The following MAF variants were observed in gnomAD, a reference collection of about 807,000 sequenced individuals.
MAF encodes MAF bZIP transcription factor.
Under a neutral mutation model 22.0 loss-of-function variants are expected in MAF, and 10 were observed. The observed-to-expected ratio is 0.45, with a 90% CI of 0.28 to 0.77. The LOEUF (loss-of-function observed/expected upper bound fraction) is 0.77, where lower values mean the gene tolerates loss of function less well. Ranked by LOEUF, MAF falls within the 30% of genes least tolerant of loss-of-function variation. The pLI is 0.12. For synonymous variants in MAF, 337 were observed against 255.8 expected (o/e 1.32, Z -3.03); for missense variants, 544 against 548.4 (o/e 0.99, Z 0.08).
chr16:79,333,848 T>C, the MAF span, among the ~76,000 whole-genome samples: 13 of 152,194 alleles, frequency 8.5e-5, no homozygotes, highest in Admixed American at 5.2e-4. Context: ...CGGAAACCTA[T>C]CTGATGCCGG....
chr16:79,473,525 A>G, the MAF span, among the ~76,000 whole-genome samples: 2 of 152,100 alleles, frequency 1.3e-5, no homozygotes, highest in Non-Finnish European at 2.9e-5. Context: ...TTGCCAAACA[A>G]TGTCAGATAA....
the MAF span, among the ~76,000 whole-genome samples, chr16:79,215,570 AT>A: frequency 1.3e-5 from 2 of 152,160 alleles, no homozygotes; most frequent in Non-Finnish European, 2.9e-5. Context: ...TAGGGCCTCT[AT>A]GCTGACTTCC....
the MAF span, among the ~76,000 whole-genome samples, chr16:79,559,589 G>T: frequency 3.3e-5 from 5 of 152,008 alleles, no homozygotes; most frequent in African/African-American, 1.2e-4. Context: ...TGTCACTGCA[G>T]ACAAACTGAC....
chr16:79,468,672 T>C, the MAF span, among the ~76,000 whole-genome samples: 1 of 152,164 alleles, frequency 6.6e-6, no homozygotes, highest in Non-Finnish European at 1.5e-5. Flanking sequence ...TCTGCCAGGA[T>C]GGTGCAGACA....
chr16:79,541,509 C>T, the MAF span, among the ~76,000 whole-genome samples: 1 of 152,120 alleles, frequency 6.6e-6, no homozygotes, highest in East Asian at 1.9e-4. Context: ...TGCTGCTACA[C>T]AGGAGCTGTT....
At chr16:79,342,321 G>C in the MAF span, among the ~76,000 whole-genome samples, 1 of 152,164 alleles carries the variant, frequency 6.6e-6, no homozygotes, top group African/African-American at 2.4e-5. Context: ...AGCGTCTTTG[G>C]GGTTCACATC....
the MAF span, among the ~76,000 whole-genome samples, chr16:79,532,264 G>A: frequency 3.9e-5 from 6 of 152,278 alleles, no homozygotes; most frequent in African/African-American, 1.4e-4. Context: ...AACCAAGGCA[G>A]GAGGGTTGAG....
the MAF span, among the ~76,000 whole-genome samples, chr16:79,462,451 T>C: frequency 6.6e-6 from 1 of 151,288 alleles, no homozygotes; most frequent in Non-Finnish European, 1.5e-5. Flanking sequence ...TTGCTCTGAG[T>C]TTAATGTCTA....
the MAF span, among the ~76,000 whole-genome samples, chr16:79,500,408 T>C: frequency 1.3e-5 from 2 of 152,140 alleles, no homozygotes; most frequent in Admixed American, 6.5e-5. Flanking sequence ...TTCCAGCTTA[T>C]AGTAACCTAG....
chr16:79,262,876 A>AT, the MAF span, among the ~76,000 whole-genome samples: 1 of 152,150 alleles, frequency 6.6e-6, no homozygotes, highest in Non-Finnish European at 1.5e-5. Context: ...TAACCGTAGC[A>AT]TTTTTTTGAA....
chr16:79,481,883 A>G, the MAF span, among the ~76,000 whole-genome samples: 1 of 152,200 alleles, frequency 6.6e-6, no homozygotes, highest in African/African-American at 2.4e-5. Context: ...TGTTACTTCA[A>G]CAGCACATAA....
the MAF span, among the ~76,000 whole-genome samples, chr16:79,426,746 G>A: frequency 2.0e-5 from 3 of 152,218 alleles, no homozygotes; most frequent in Non-Finnish European, 4.4e-5. Flanking sequence ...TAGGCAAAGT[G>A]AATTCATAAA....
chr16:79,268,970 G>A, the MAF span, among the ~76,000 whole-genome samples: 1 of 152,176 alleles, frequency 6.6e-6, no homozygotes, highest in Non-Finnish European at 1.5e-5. Context: ...TGAGAATTAA[G>A]AGATAAAAGC....
At chr16:79,365,057 T>C in the MAF span, among the ~76,000 whole-genome samples, 1 of 152,184 alleles carries the variant, frequency 6.6e-6, no homozygotes, top group Admixed American at 6.5e-5. Flanking sequence ...ACTTAGTTGA[T>C]GGTTTCTGAT....
At chr16:79,442,933 G>A in the MAF span, among the ~76,000 whole-genome samples, 12 of 152,198 alleles carry the variant, frequency 7.9e-5, no homozygotes, top group African/African-American at 2.9e-4. Context: ...CTGATTTTCA[G>A]GAGGCATTGG....
the MAF span, among the ~76,000 whole-genome samples, chr16:79,558,586 G>A: frequency 6.6e-6 from 1 of 152,206 alleles, no homozygotes; most frequent in African/African-American, 2.4e-5. Context: ...ATAACACAAA[G>A]AGAGGGGAGT....
the MAF span, among the ~76,000 whole-genome samples, chr16:79,219,531 A>G: frequency 7.9e-6 from 1 of 127,132 alleles, no homozygotes; most frequent in Non-Finnish European, 1.6e-5. Flanking sequence ...AGCCTGGGCG[A>G]CAGCGAGACT....
At chr16:79,378,435 C>T in the MAF span, among the ~76,000 whole-genome samples, 5 of 152,280 alleles carry the variant, frequency 3.3e-5, no homozygotes, top group South Asian at 1.0e-3. Flanking sequence ...CAAAGCTGTT[C>T]TGTTTCTTGA....
the MAF span, among the ~76,000 whole-genome samples, chr16:79,292,423 G>A: frequency 6.6e-6 from 1 of 152,168 alleles, no homozygotes; most frequent in Non-Finnish European, 1.5e-5. Context: ...AGGGAGGATG[G>A]CCCTGCCAAC....
Sources: allele counts gnomAD v4.1 joint callset (sites outside exome capture counted in the v4.1 genomes callset), GRCh38; gene constraint gnomAD v4.1.1; transcripts MANE v1.5; gene names NCBI Gene and HGNC (gene_info 2026-07-23, HGNC 2026-07-21).